The following ERC2 variants were observed in gnomAD, a reference collection of about 807,000 sequenced individuals.
ERC2 encodes the protein ERC protein 2.
ERC2 carries 42 observed loss-of-function variants against 114.8 expected under a neutral mutation model. The observed-to-expected ratio is 0.37, with a 90% CI of 0.29 to 0.47. The LOEUF is 0.47. Among genes scored for constraint, ERC2 ranks in the 20% least tolerant of loss-of-function variants. ERC2 has a pLI of 0.99. For missense variants in ERC2, 939 were observed against 1,150.7 expected, an observed-to-expected ratio of 0.82 and a Z score of 2.66; for synonymous variants, 454 against 425.5, an observed-to-expected ratio of 1.07 and a Z score of -0.82.
intron 14 of ERC2, among the ~76,000 whole-genome samples, chr3:55,776,230 T>C (rs2068606309): frequency 6.6e-6 from 1 of 152,082 alleles, no homozygotes; most frequent in African/African-American, 2.4e-5. Context: ...GGGGCCTCCA[T>C]TTGTCCTATT....
At chr3:55,922,390 C>A (rs2065479747) in intron 13 of ERC2, among the ~76,000 whole-genome samples, 1 of 151,748 alleles carries the variant, frequency 6.6e-6, no homozygotes, top group Non-Finnish European at 1.5e-5. Flanking sequence ...GGCTTTGGAG[C>A]CTTGCAAGGG....
chr3:56,369,363 T>C (rs989774489), intron 2 of ERC2, among the ~76,000 whole-genome samples: 1 of 152,170 alleles, frequency 6.6e-6, no homozygotes, highest in African/African-American at 2.4e-5. Context: ...AATAAGACCA[T>C]AGGAAAATAC....
chr3:56,258,390 G>A (rs1322083917), intron 3 of ERC2, among the ~76,000 whole-genome samples: 1 of 152,228 alleles, frequency 6.6e-6, no homozygotes, highest in Non-Finnish European at 1.5e-5. Context: ...GGGCGCGGTG[G>A]CTCACGCCTG....
At chr3:56,120,893 G>T (rs537967832) in intron 6 of ERC2, among the ~76,000 whole-genome samples, 2 of 152,254 alleles carry the variant, frequency 1.3e-5, no homozygotes, top group African/African-American at 4.8e-5. Context: ...AATGTTGGCT[G>T]GCCAGTAAAT....
chr3:55,553,681 G>A (rs1328814439), intron 17 of ERC2, among the ~76,000 whole-genome samples: 2 of 152,036 alleles, frequency 1.3e-5, no homozygotes, highest in East Asian at 3.9e-4. Context: ...TGGGGAGGCT[G>A]AGGCAGGAGA....
At chr3:56,407,370 T>C (rs2107052666) in intron 2 of ERC2, among the ~76,000 whole-genome samples, 1 of 152,320 alleles carries the variant, frequency 6.6e-6, no homozygotes, top group South Asian at 2.1e-4. Context: ...TAATTTCCAT[T>C]CTGACATTCT....
chr3:56,449,353 A>G (rs1480423360), intron 1 of ERC2, among the ~76,000 whole-genome samples: 1 of 152,170 alleles, frequency 6.6e-6, no homozygotes, highest in African/African-American at 2.4e-5. Flanking sequence ...GGGCACCTGC[A>G]TTGGTCCCTT....
chr3:56,113,475 T>C (rs981590041), intron 6 of ERC2, among the ~76,000 whole-genome samples: 12 of 152,194 alleles, frequency 7.9e-5, no homozygotes, highest in African/African-American at 2.9e-4. Context: ...TGCCCACATA[T>C]GGAAATTCCA....
chr3:55,982,517 C>T (rs1259412827), intron 12 of ERC2, among the ~76,000 whole-genome samples: 1 of 151,922 alleles, frequency 6.6e-6, no homozygotes, highest in Admixed American at 6.6e-5. Context: ...TTAATTAACA[C>T]CAAATGTATT....
intron 2 of ERC2, among the ~76,000 whole-genome samples, chr3:56,307,828 GCA>G (rs10576433): frequency 0.065 from 9,649 of 147,348 alleles, 605 homozygotes; most frequent in African/African-American, 0.17. Flanking sequence ...ACACACACTT[GCA>G]CACACACACA....
chr3:56,011,784 CT>C (rs1419990053), intron 8 of ERC2, among the ~76,000 whole-genome samples: 1 of 152,112 alleles, frequency 6.6e-6, no homozygotes, highest in African/African-American at 2.4e-5. Context: ...CTGATACTAT[CT>C]TTTATATTCT....
At chr3:56,002,970 T>C (rs1236779923) in intron 10 of ERC2, 1 of 609,144 alleles carries the variant, frequency 1.6e-6, no homozygotes, top group African/African-American at 2.0e-5. Context: ...ATCATTTCTT[T>C]TGACAGAACG....
intron 15 of ERC2, among the ~76,000 whole-genome samples, chr3:55,722,188 A>G (rs542142045): frequency 2.6e-5 from 4 of 152,260 alleles, no homozygotes; most frequent in African/African-American, 9.6e-5. Flanking sequence ...CTCAGTGGCT[A>G]TATCAGGGCA....
chr3:55,653,935 T>C (rs1316157001), intron 17 of ERC2, among the ~76,000 whole-genome samples: 2 of 152,286 alleles, frequency 1.3e-5, no homozygotes, highest in East Asian at 1.9e-4. Context: ...AGCTAAACCA[T>C]GCCCAGCTGA....
chr3:55,631,931 C>T (rs1026919977), intron 17 of ERC2, among the ~76,000 whole-genome samples: 1 of 152,362 alleles, frequency 6.6e-6, no homozygotes, highest in Admixed American at 6.5e-5. Context: ...GAGTGGTCAG[C>T]CCTCTTATCA....
At chr3:56,065,532 A>G (rs1437339404) in intron 7 of ERC2, among the ~76,000 whole-genome samples, 2 of 152,168 alleles carry the variant, frequency 1.3e-5, no homozygotes, top group East Asian at 3.9e-4. Flanking sequence ...TTTAAAAAAA[A>G]AAAAGCATTT....
intron 7 of ERC2, among the ~76,000 whole-genome samples, chr3:56,045,940 T>A (rs1347751250): frequency 6.6e-6 from 1 of 152,092 alleles, no homozygotes; most frequent in East Asian, 1.9e-4. Flanking sequence ...ATATAAAAAT[T>A]ACACAAAAAT....
chr3:55,804,439 A>G (rs1409411310), intron 14 of ERC2, among the ~76,000 whole-genome samples: 2 of 152,154 alleles, frequency 1.3e-5, no homozygotes, highest in Admixed American at 1.3e-4. Context: ...TTGGCCAATG[A>G]GTGTTAGCCT....
At chr3:56,228,383 T>G (rs1457275367) in intron 3 of ERC2, among the ~76,000 whole-genome samples, 4 of 152,318 alleles carry the variant, frequency 2.6e-5, no homozygotes, top group Non-Finnish European at 5.9e-5. Flanking sequence ...TTGTACCAGC[T>G]ATTGGCAACC....
Sources: gnomAD v4.1 joint callset for allele counts (sites outside exome capture counted in the v4.1 genomes callset) on GRCh38, gnomAD v4.1.1 for gene constraint, MANE v1.5 for transcripts, NCBI Gene and HGNC (gene_info 2026-07-23, HGNC 2026-07-21) for gene names.